Variants in SLC25A21 observed in about 807,000 individuals in gnomAD.
SLC25A21 encodes the protein solute carrier family 25 member 21.
A neutral mutation model predicts 43.8 loss-of-function variants in SLC25A21; 47 were observed. That is an observed-to-expected ratio of 1.07 (90% CI 0.85 to 1.37). SLC25A21 has a LOEUF of 1.37. Among genes scored for constraint, SLC25A21 ranks in the 40% most tolerant of loss-of-function variants. The pLI, the probability that SLC25A21 is intolerant of heterozygous loss-of-function variation, is 0.00. For synonymous variants in SLC25A21, 131 were observed against 121.3 expected (o/e 1.08, Z -0.52); for missense variants, 352 against 350.2 (o/e 1.00, Z -0.04).
intron 3 of SLC25A21, among the ~76,000 whole-genome samples, chr14:36,779,443 A>G (rs1886959010): frequency 7.3e-6 from 1 of 136,164 alleles, no homozygotes; most frequent in Non-Finnish European, 1.6e-5. Flanking sequence ...CCAGGCTTTA[A>G]AAAAAAGAAG....
rs950502061 is a variant in SLC25A21 at position 36,680,397 on chromosome 14, A to C, written c.*261T>G. The C allele has an allele frequency of 7.4e-6, 8 of 1,088,146 alleles. No individual in the cohort carries two copies. Among genetic ancestry groups the C allele is most frequent in the Non-Finnish European group, 7.9e-6 (7 of 889,568 alleles). 67.4% of individuals were successfully genotyped at this position (1,088,146 alleles called of 1,614,324 possible). A position where few individuals can be genotyped will look rare whatever the true frequency, so the allele number is the denominator to read the frequency against. ...ATTTATTTTATGAAATAAATATATGATTTCTATGCTATTTTTCTATATTCA... is the reference window on the plus strand; with the variant it reads ...ATTTATTTTATGAAATAAATATATGCTTTCTATGCTATTTTTCTATATTCA... On this transcript the variant is annotated 3_prime_UTR_variant, in exon 10 of 10. Transcript: ENST00000331299.
chr14:37,009,315 G>T (rs1960678580), intron 1 of SLC25A21, among the ~76,000 whole-genome samples: 1 of 151,884 alleles, frequency 6.6e-6, no homozygotes, highest in African/African-American at 2.4e-5. Flanking sequence ...TGGCAAAACC[G>T]TCTCTACTAA....
intron 1 of SLC25A21, among the ~76,000 whole-genome samples, chr14:36,903,650 G>A (rs1316731458): frequency 8.0e-6 from 1 of 124,750 alleles, no homozygotes; most frequent in Non-Finnish European, 1.7e-5. Context: ...AAAATTGGTC[G>A]CCAAAATTTA....
At chr14:37,161,079 T>C (rs1315240235) in intron 1 of SLC25A21, among the ~76,000 whole-genome samples, 1 of 152,106 alleles carries the variant, frequency 6.6e-6, no homozygotes, top group Non-Finnish European at 1.5e-5. Context: ...TTAAAATGTA[T>C]TATATTTGAG....
intron 3 of SLC25A21, among the ~76,000 whole-genome samples, chr14:36,761,524 T>C (rs1886156502): frequency 6.6e-6 from 1 of 152,252 alleles, no homozygotes; most frequent in Non-Finnish European, 1.5e-5. Context: ...AGTCAGTTAA[T>C]CTGTACAAAT....
At chr14:36,790,790 T>C (rs531718741) in intron 3 of SLC25A21, among the ~76,000 whole-genome samples, 1 of 152,202 alleles carries the variant, frequency 6.6e-6, no homozygotes, top group Non-Finnish European at 1.5e-5. Context: ...AAATAAACTA[T>C]TCAAAGCAGG....
chr14:36,840,411 T>C (rs1053042505), intron 2 of SLC25A21, among the ~76,000 whole-genome samples: 9 of 152,338 alleles, frequency 5.9e-5, no homozygotes, highest in South Asian at 2.1e-4. Flanking sequence ...ATAACTGTTA[T>C]GTTATTCCTA....
intron 1 of SLC25A21, among the ~76,000 whole-genome samples, chr14:37,134,663 A>G (rs868231066): frequency 2.1e-5 from 3 of 144,240 alleles, no homozygotes; most frequent in Non-Finnish European, 3.1e-5. Context: ...AAAAAAAAAA[A>G]GAAAGAAAGA....
chr14:36,947,993 G>A (rs1363348354), intron 1 of SLC25A21, among the ~76,000 whole-genome samples: 1 of 152,146 alleles, frequency 6.6e-6, no homozygotes, highest in Non-Finnish European at 1.5e-5. Flanking sequence ...TTGAAGAAGG[G>A]ACCATCATTA....
chr14:36,880,527 T>A (rs1171556887), intron 1 of SLC25A21, among the ~76,000 whole-genome samples: 1 of 152,186 alleles, frequency 6.6e-6, no homozygotes, highest in South Asian at 2.1e-4. Context: ...TCTGCCCTCT[T>A]CATGTTTGTA....
At chr14:37,039,193 G>C (rs1354811859) in intron 1 of SLC25A21, among the ~76,000 whole-genome samples, 1 of 152,128 alleles carries the variant, frequency 6.6e-6, no homozygotes, top group East Asian at 1.9e-4. Context: ...ATCATTGACA[G>C]TATGTTGCAA....
At chr14:37,015,327 T>A (rs1414760807) in intron 1 of SLC25A21, among the ~76,000 whole-genome samples, 1 of 151,272 alleles carries the variant, frequency 6.6e-6, no homozygotes, top group African/African-American at 2.4e-5. Flanking sequence ...TTGCTGAGAA[T>A]GATGATTTCC....
At chr14:37,003,531 CTCA>C (rs1960534284) in intron 1 of SLC25A21, among the ~76,000 whole-genome samples, 2 of 152,134 alleles carry the variant, frequency 1.3e-5, no homozygotes, top group South Asian at 2.1e-4. Context: ...TACCCAAATG[CTCA>C]TCAACACAAG....
chr14:37,054,187 T>C (rs951663455), intron 1 of SLC25A21, among the ~76,000 whole-genome samples: 4 of 152,184 alleles, frequency 2.6e-5, no homozygotes, highest in Non-Finnish European at 4.4e-5. Flanking sequence ...CCTTATAAGA[T>C]AGTTCTAGTT....
intron 1 of SLC25A21, among the ~76,000 whole-genome samples, chr14:37,015,531 A>T (rs188220078): frequency 0.04 from 6,004 of 151,598 alleles, 368 homozygotes; most frequent in African/African-American, 0.14. Context: ...TAGCAGCATG[A>T]TTTATAGTCA....
At chr14:36,774,468 C>T (rs1011949326) in intron 3 of SLC25A21, among the ~76,000 whole-genome samples, 12 of 152,210 alleles carry the variant, frequency 7.9e-5, no homozygotes, top group African/African-American at 2.9e-4. Flanking sequence ...AGGAAAAGAA[C>T]TGATAGATCG....
chr14:37,014,548 CAA>C (rs1028793835), intron 1 of SLC25A21, among the ~76,000 whole-genome samples: 4 of 152,134 alleles, frequency 2.6e-5, no homozygotes, highest in Non-Finnish European at 4.4e-5. Context: ...TTGAACCCCT[CAA>C]AGTCTTCTAT....
chr14:37,021,045 C>A (rs1485156568), intron 1 of SLC25A21, among the ~76,000 whole-genome samples: 3 of 151,956 alleles, frequency 2.0e-5, no homozygotes, highest in Non-Finnish European at 2.9e-5. Flanking sequence ...ACTGCACTGG[C>A]AATGTATTTA....
chr14:37,088,789 C>A (rs945330271), intron 1 of SLC25A21, among the ~76,000 whole-genome samples: 5 of 152,168 alleles, frequency 3.3e-5, no homozygotes, highest in African/African-American at 7.2e-5. Context: ...CAAGAAAACA[C>A]CCAGGCAGTG....
Sources: allele counts gnomAD v4.1 joint callset (sites outside exome capture counted in the v4.1 genomes callset), GRCh38; gene constraint gnomAD v4.1.1; transcripts MANE v1.5; gene names NCBI Gene and HGNC (gene_info 2026-07-23, HGNC 2026-07-21).